The following TNFSF10 variants were observed in gnomAD, a reference collection of about 807,000 sequenced individuals.
TNFSF10 encodes the protein TNF superfamily member 10.
In TNFSF10, 13 loss-of-function variants were observed where a neutral mutation model predicts 29.5. The ratio of observed to expected loss-of-function variants is 0.44; its 90% confidence interval spans 0.29 to 0.70. The LOEUF (loss-of-function observed/expected upper bound fraction) is 0.70, where lower values mean the gene tolerates loss of function less well. Among genes scored for constraint, TNFSF10 ranks in the 30% least tolerant of loss-of-function variants. TNFSF10 has a pLI of 0.13. For synonymous variants in TNFSF10, 111 were observed against 112.8 expected (o/e 0.98, Z 0.10); for missense variants, 345 against 330.9 (o/e 1.04, Z -0.33).
At chr3:172,517,002 A>AAC (rs1713463713) in intron 1 of TNFSF10, among the ~76,000 whole-genome samples, 1 of 152,228 alleles carries the variant, frequency 6.6e-6, no homozygotes, top group Non-Finnish European at 1.5e-5. Context: ...GATTACACTG[A>AAC]ACAAGCAGGC....
chr3:172,522,204 A>G (rs896488629), intron 1 of TNFSF10: 1 of 422,700 alleles, frequency 2.4e-6, no homozygotes. Flanking sequence ...AACTTAAAGT[A>G]AAATAAAAAA....
chr3:172,517,350 G>A, intron 1 of TNFSF10: 2 of 985,362 alleles, frequency 2.0e-6, no homozygotes, highest in South Asian at 4.7e-5. Flanking sequence ...AGGAGGAGGT[G>A]GAAGGAACCT....
Position 172,509,201 on chromosome 3 carries a change from T to C in TNFSF10, c.418+16A>G, listed in dbSNP as rs770433365. 5.0e-6 allele frequency: 8 copies of C among 1,599,510 alleles called. No individual in the cohort carries two copies. The highest frequency in any genetic ancestry group is 6.8e-6 in the Non-Finnish European group (8 of 1,170,258). ...CATTATTTTCCCTTAAGTCACTTAT[T>C]TGTTGTTTCTCTTACTTGGAGAAGA... On this transcript the variant is annotated intron_variant, in intron 4 of 4. Coordinates refer to ENST00000241261, the MANE Select transcript of TNFSF10 (RefSeq NM_003810.4).
chr3:172,522,138 C>T (rs1713725276), intron 1 of TNFSF10: 1 of 301,924 alleles, frequency 3.3e-6, no homozygotes, highest in African/African-American at 2.2e-5. Flanking sequence ...CAGCAAACCA[C>T]CATGGCACAT....
intron 4 of TNFSF10, among the ~76,000 whole-genome samples, chr3:172,508,383 A>G (rs1454735452): frequency 6.6e-6 from 1 of 152,214 alleles, no homozygotes; most frequent in Admixed American, 6.5e-5. Flanking sequence ...TATAAATTAG[A>G]TGTAACATAT....
intron 2 of TNFSF10, among the ~76,000 whole-genome samples, chr3:172,514,611 G>C (rs1713354964): frequency 6.6e-6 from 1 of 152,168 alleles, no homozygotes; most frequent in African/African-American, 2.4e-5. Flanking sequence ...GGTTAGACTA[G>C]ATGTGGAGGC....
chr3:172,519,755 C>T (rs571225937), intron 1 of TNFSF10, among the ~76,000 whole-genome samples: 1 of 152,330 alleles, frequency 6.6e-6, no homozygotes, highest in East Asian at 1.9e-4. Flanking sequence ...ACCAAACTTA[C>T]ATTCCACAGG....
chr3:172,517,592 C>T (rs1436266595), intron 1 of TNFSF10: 2 of 985,186 alleles, frequency 2.0e-6, no homozygotes, highest in African/African-American at 3.5e-5. Flanking sequence ...GCTATATTCT[C>T]ACCTCCTACT....
At chr3:172,523,113 T>C (rs550312831) in intron 1 of TNFSF10, 140 bp downstream of exon 1, 36 of 1,049,502 alleles carry the variant, frequency 3.4e-5, no homozygotes, top group Non-Finnish European at 4.1e-5. Flanking sequence ...TCAGTTGTTA[T>C]GTGATTTAGC....
rs41309772 is a variant in TNFSF10 at position 172,506,288 on chromosome 3, T to C, written c.*204A>G. On this transcript the variant is annotated 3_prime_UTR_variant, in exon 5 of 5. Transcript: ENST00000241261. ...AAGATCTTTCAGCAATTTCATTCTC[T>C]TGGGATAAGTGAGTCACTTTCAGAA... The C allele has an allele frequency of 0.015, 7,840 of 529,470 alleles. 106 individuals carry two copies. The highest frequency in any genetic ancestry group is 0.021 in the Middle Eastern group (41 of 1,968). 32.8% of individuals were successfully genotyped at this position (529,470 alleles called of 1,614,324 possible).
chr3:172,518,207 T>A, intron 1 of TNFSF10: 1 of 1,116,260 alleles, frequency 9.0e-7, no homozygotes, highest in Non-Finnish European at 1.1e-6. Context: ...ATTATTTTCA[T>A]TTGCGTGCCT....
intron 1 of TNFSF10, among the ~76,000 whole-genome samples, chr3:172,516,118 G>T (rs1283930328): frequency 1.3e-5 from 2 of 152,096 alleles, no homozygotes; most frequent in Non-Finnish European, 2.9e-5. Flanking sequence ...CAAAAAATTA[G>T]CTGGGCGTGG....
intron 2 of TNFSF10, among the ~76,000 whole-genome samples, chr3:172,513,157 G>A (rs549180764): frequency 6.6e-6 from 1 of 152,230 alleles, no homozygotes; most frequent in African/African-American, 2.4e-5. Context: ...GAGAATGGCA[G>A]GAATAGCAGG....
Position 172,506,712 on chromosome 3 carries a change from T to G in TNFSF10, c.626A>C (p.Tyr209Ser). ...AGGATAACTTGTGTATTTGTAAATA[T>G]ATTGGACCATTTGTTTGTCGTTCTT... is the stretch of plus-strand genomic sequence containing the variant. Reference protein sequence around the residue: ...NTKNDKQMVQYIYKYTSYPDP... With the variant: ...NTKNDKQMVQSIYKYTSYPDP... The change falls in exon 5 of 5, where the codon TAT (tyrosine) becomes TCT (serine). Residue 209 changes from tyrosine to serine, a missense_variant. Transcript: ENST00000241261. 2.5e-6 allele frequency: 4 copies of G among 1,614,230 alleles called. No individual in the cohort carries two copies. The highest frequency in any genetic ancestry group is 3.4e-6 in the Non-Finnish European group (4 of 1,180,032).
At chr3:172,517,971 T>C in intron 1 of TNFSF10, 1 of 985,520 alleles carries the variant, frequency 1.0e-6, no homozygotes, top group Non-Finnish European at 1.2e-6. Flanking sequence ...TGAATTTTGG[T>C]AGTTTCTCCT....
At chr3:172,508,992 T>A (rs191815337) in intron 4 of TNFSF10, among the ~76,000 whole-genome samples, 28 of 152,210 alleles carry the variant, frequency 1.8e-4, no homozygotes, top group African/African-American at 6.5e-4. Context: ...AAAGACAAAA[T>A]TCTCCCACTT....
intron 1 of TNFSF10, chr3:172,517,736 T>A: frequency 4.1e-6 from 4 of 984,254 alleles, no homozygotes; most frequent in Non-Finnish European, 4.8e-6. Context: ...AAATTATACA[T>A]GGATAGCATG....
chr3:172,517,747 G>A, intron 1 of TNFSF10: 1 of 983,842 alleles, frequency 1.0e-6, no homozygotes, highest in Non-Finnish European at 1.2e-6. Context: ...GGATAGCATG[G>A]ATATTTTTAT....
chr3:172,521,250 G>A (rs1713684678), intron 1 of TNFSF10, among the ~76,000 whole-genome samples: 1 of 152,148 alleles, frequency 6.6e-6, no homozygotes, highest in Admixed American at 6.5e-5. Flanking sequence ...ACTATCATCA[G>A]AGTGAACAGG....
Sources: gnomAD v4.1 joint callset for allele counts (sites outside exome capture counted in the v4.1 genomes callset) on GRCh38, gnomAD v4.1.1 for gene constraint, MANE v1.5 for transcripts, NCBI Gene and HGNC (gene_info 2026-07-23, HGNC 2026-07-21) for gene names.